The following MAMDC4 variants were observed in gnomAD, a reference collection of about 807,000 sequenced individuals.
MAMDC4 encodes apical endosomal glycoprotein.
Under a neutral mutation model 153.3 loss-of-function variants are expected in MAMDC4, and 168 were observed. The ratio of observed to expected loss-of-function variants is 1.10; its 90% CI spans 0.97 to 1.25. The LOEUF is 1.25. MAMDC4 is among the 50% of genes most tolerant of loss of function. The probability of loss-of-function intolerance (pLI) is 0.00; values close to 1 mark genes in which losing one functional copy is unlikely to be tolerated. For missense variants in MAMDC4, 1,701 were observed against 1,542.8 expected (o/e 1.10, Z -1.72); for synonymous variants, 744 against 651.5 (o/e 1.14, Z -2.16).
At chr9:136,860,414 G>A (rs1411415124) in intron 26 of MAMDC4, 148 bp from the exon 27 acceptor site, 9 of 836,498 alleles carry the variant, frequency 1.1e-5, no homozygotes, top group South Asian at 1.7e-5. Flanking sequence ...CCAACTACTC[G>A]GGAGGCTGAG....
chr9:136,853,376 C>T lies in MAMDC4; in HGVS notation c.246C>T (p.Gly82=), dbSNP rs1260407617. The change falls in exon 3 of 27, where the codon GGC becomes GGT. Residue 82 remains glycine, a synonymous_variant. Coordinates refer to ENST00000317446, the MANE Select transcript of MAMDC4 (RefSeq NM_206920.3). ...GCTGGCGGGACATTAGTACCTCAGG[C>T]TACAGCTGGCTCCGAGACAGGGCAG... is the stretch of plus-strand genomic sequence containing the variant. ...PCGWRDISTS[G]YSWLRDRAGA... is the part of the protein sequence containing the mutation. The T allele has an allele frequency of 1.9e-6, 3 of 1,606,756 alleles. No homozygotes were observed. The highest frequency in any genetic ancestry group is 1.3e-5 in the African/African-American group (1 of 74,950).
Position 136,856,140 on chromosome 9 carries a change from C to T in MAMDC4, c.1711C>T (p.Gln571Ter). The change falls in exon 14 of 27, where the codon CAG (glutamine) becomes TAG (stop). Residue 571 changes from glutamine (Q) to a stop codon, truncating the protein, a stop_gained. Transcript: ENST00000317446. LOFTEE classifies it high-confidence loss of function. ...CCACCTGGCTTATTATTTACAGAGCCAGCCCCGAGGTACCGCCACACTCCG... is the reference window on the plus strand; with the variant it reads ...CCACCTGGCTTATTATTTACAGAGCTAGCCCCGAGGTACCGCCACACTCCG... ...ELHLAYYLQS[Q>*]PREVSCNFER... The T allele has an allele frequency of 6.2e-7, 1 of 1,612,252 alleles. No homozygotes were observed. The highest frequency in any genetic ancestry group is 8.5e-7 in the Non-Finnish European group (1 of 1,179,722).
intron 14 of MAMDC4, 193 bp downstream of exon 14, chr9:136,856,342 G>A (rs1384602398): frequency 2.0e-6 from 2 of 1,011,376 alleles, no homozygotes; most frequent in Non-Finnish European, 3.2e-6. Flanking sequence ...TCTGGAAGGT[G>A]GACAAGGTCC....
rs1848973144 is a variant in MAMDC4 at position 136,854,419 on chromosome 9, G to A, written c.796+83G>A. On this transcript the variant is annotated intron_variant, in intron 7 of 26. Coordinates refer to ENST00000317446, the MANE Select transcript of MAMDC4 (RefSeq NM_206920.3). ...CCCTGGCACTCATCCAGGAGGGGGT[G>A]CCTTGGATCCTTGGATGGTCCTTCT... 1.3e-5 allele frequency: 19 copies of A among 1,496,956 alleles called. No individual in the cohort carries two copies. The South Asian group carries it at 2.2e-4, about 18-fold the overall frequency. The allele number at this position is 1,496,956 out of a possible 1,614,324, so 92.7% of individuals were successfully genotyped here. A position where few individuals can be genotyped will look rare whatever the true frequency, so the allele number is the denominator to read the frequency against.
Position 136,859,046 on chromosome 9 carries a change from C to T in MAMDC4, c.2998C>T (p.Gln1000Ter), listed in dbSNP as rs900005253. The T allele has an allele frequency of 1.3e-6, 2 of 1,554,972 alleles. No homozygotes were observed. The highest frequency in any genetic ancestry group is 1.7e-6 in the Non-Finnish European group (2 of 1,149,014). The change falls in exon 24 of 27, where the codon CAG (glutamine) becomes TAG (stop). Residue 1000 changes from glutamine to a stop codon, truncating the protein, a stop_gained. Coordinates refer to ENST00000317446, the MANE Select transcript of MAMDC4 (RefSeq NM_206920.3). LOFTEE classifies it high-confidence loss of function. ...GGTACTGCTGCACAGTGCTCAGGGC[C>T]AGCTGGCTGTGTGGGGCGCAGGCGG... ...LKVLLHSAQGQLAVWGAGGHR... is the reference protein window; with the variant it reads ...LKVLLHSAQG
rs145164384 is a variant in MAMDC4, at chr9:136,853,611, C to G, written c.395C>G (p.Thr132Ser). ...EASTAALRSP[T>S]LREAASSCKL... ...TCCACCGCAGCCCTGCGCTCGCCAA[C>G]CCTGCGAGAGGCAGCCTCCTCTTGC... Residue 132 changes from threonine to serine, a missense_variant, in exon 4 of 27, where the codon ACC becomes AGC. Physicochemically the swap from Thr to Ser is moderately conservative, Grantham distance 58. Coordinates refer to ENST00000317446, the MANE Select transcript of MAMDC4 (RefSeq NM_206920.3). The G allele has an allele frequency of 1.2e-6, 2 of 1,612,588 alleles. 1 individual carries two copies. The highest frequency in any genetic ancestry group is 2.7e-5 in the African/African-American group (2 of 75,056).
In MAMDC4 at chr9:136,858,041, G is replaced by A. The variant is rs542894269; in HGVS notation, c.2527G>A (p.Gly843Ser). 3.8e-4 allele frequency: 584 copies of A among 1,528,632 alleles called. 3 individuals carry two copies. In the South Asian group the frequency reaches 5.2e-3, roughly 14 times the overall value. 94.7% of individuals were successfully genotyped at this position (1,528,632 alleles called of 1,614,324 possible). A position where few individuals can be genotyped will look rare whatever the true frequency, so the allele number is the denominator to read the frequency against. ...CCAGGTGCTCAGCCTCAGTGCCCAC[G>A]GCGGGCTTGCCTGGCGCCTGGGCAG... ...RHQVLSLSAH[G>S]GLAWRLGSMD... Residue 843 changes from glycine (G) to serine (S), a missense_variant, in exon 20 of 27, where the codon GGC (glycine) becomes AGC (serine). Transcript: ENST00000317446.
Position 136,856,751 on chromosome 9 carries a change from C to G in MAMDC4, c.1762C>G (p.Pro588Ala). ...NFERDTCSWY[P>A]GHLSDTHWRW... is the part of the protein sequence containing the mutation. ...TGAGCGGGACACATGCAGCTGGTAC[C>G]CAGGCCACCTCTCAGACACACACTG... is the stretch of plus-strand genomic sequence containing the variant. The change falls in exon 15 of 27, where the codon CCA (proline) becomes GCA (alanine). Residue 588 changes from proline to alanine, a missense_variant. By Grantham distance (27) the Pro-to-Ala change is conservative. Transcript: ENST00000317446. The G allele has an allele frequency of 6.2e-7, 1 of 1,612,526 alleles. No homozygotes were observed.
At chr9:136,859,796 A>G in intron 25 of MAMDC4, 90 bp from the exon 26 acceptor site, 1 of 1,385,576 alleles carries the variant, frequency 7.2e-7, no homozygotes, top group Non-Finnish European at 1.0e-6. Context: ...GAGCCAGCAG[A>G]GGCTGAGGGA....
At chr9:136,859,484 C>A in intron 25 of MAMDC4, 167 bp downstream of exon 25, 1 of 681,670 alleles carries the variant, frequency 1.5e-6, no homozygotes. Flanking sequence ...TCACTCTGCC[C>A]TGCTCACCCC....
rs1848975915 is a variant in MAMDC4 at position 136,854,624 on chromosome 9, T to TCCTGAGCGCC, written c.886_895dup (p.Ser299Ter). 2 of 1,608,020 alleles carry TCCTGAGCGCC rather than the reference T, an allele frequency of 1.2e-6. No homozygotes were observed. The highest frequency in any genetic ancestry group is 1.7e-6 in the Non-Finnish European group (2 of 1,178,118). On this transcript the variant is annotated frameshift_variant, in exon 8 of 27. Transcript: ENST00000317446. LOFTEE classifies it high-confidence loss of function. ...GGTCCCGGAACCACCGCGCTGGTGG[T>TCCTGAGCGCC]CCTGAGCGCCCCTCCTGGCCACGCC... is the stretch of plus-strand genomic sequence containing the variant.
chr9:136,858,918 G>A, intron 23 of MAMDC4, 65 bp downstream of exon 23: 2 of 1,552,658 alleles, frequency 1.3e-6, no homozygotes, highest in East Asian at 2.3e-5. Flanking sequence ...GAGCAGAGGT[G>A]GGGAGGTGGC....
At chr9:136,858,354 G>A (rs779691613) in intron 21 of MAMDC4, 46 bp from the exon 22 acceptor site, 21 of 1,600,134 alleles carry the variant, frequency 1.3e-5, no homozygotes. Context: ...TGGTGCCCAG[G>A]GCTTGGGCCG....
At position 136,854,958 on chromosome 9, in the gene MAMDC4, A is replaced by G. The variant is rs1354749006; in HGVS notation, c.1045A>G (p.Ser349Gly). 6.2e-7 allele frequency: 1 copy of G among 1,610,002 alleles called. No individual in the cohort carries two copies. Among genetic ancestry groups the G allele is most frequent in the Admixed American group, 1.7e-5 (1 of 59,756 alleles). ...ACAGCTGGTCTTCTATCAGTACCTG[A>G]GTGGGTCTGAGGCTGGCTGCCTCCA... is the stretch of plus-strand genomic sequence containing the variant. ...NCSLVFYQYL[S>G]GSEAGCLQLF... is the part of the protein sequence containing the mutation. Residue 349 changes from serine to glycine, a missense_variant, in exon 10 of 27, where the codon AGT becomes GGT. Physicochemically the swap from Ser to Gly is moderately conservative, Grantham distance 56. Coordinates refer to ENST00000317446, the MANE Select transcript of MAMDC4 (RefSeq NM_206920.3).
chr9:136,857,170 CTG>C lies in MAMDC4; in HGVS notation c.1979_1980del (p.Leu660ProfsTer72). ...YHLHGPQIGTLRLAMRREGEE... is the reference protein window; with the variant it reads ...YHLHGPQIGTXRLAMRREGEE... ...GACTGGTCCCCTCCCTGCAGGGACT[CTG>C]CGCCTAGCCATGAGACGGGAAGGGG... On this transcript the variant is annotated frameshift_variant, in exon 17 of 27. Transcript: ENST00000317446. LOFTEE classifies it high-confidence loss of function. 1 of 1,612,434 alleles carries C rather than the reference CTG, an allele frequency of 6.2e-7. No individual in the cohort carries two copies. Among genetic ancestry groups the C allele is most frequent in the Non-Finnish European group, 8.5e-7 (1 of 1,179,842 alleles).
At position 136,853,776 on chromosome 9, in the gene MAMDC4, G is replaced by A; in HGVS notation, c.455-1G>A. ...CTGCCCTGGGACCCCTGACATTGCA[G>A]ATGTGGCTGAACTGCGGGTGGAGCT... is the stretch of plus-strand genomic sequence containing the variant. On this transcript the variant is annotated splice_acceptor_variant, in intron 4 of 26. Coordinates refer to ENST00000317446, the MANE Select transcript of MAMDC4 (RefSeq NM_206920.3). LOFTEE classifies it high-confidence loss of function. The A allele has an allele frequency of 2.5e-6, 4 of 1,609,068 alleles. No individual in the cohort carries two copies. Among genetic ancestry groups the A allele is most frequent in the Non-Finnish European group, 3.4e-6 (4 of 1,177,884 alleles).
Position 136,860,649 on chromosome 9 carries a change from T to TG in MAMDC4, c.*48dup, listed in dbSNP as rs1265012754. 6.2e-7 allele frequency: 1 copy of TG among 1,609,414 alleles called. No individual in the cohort carries two copies. The highest frequency in any genetic ancestry group is 1.7e-5 in the Admixed American group (1 of 59,944). On this transcript the variant is annotated 3_prime_UTR_variant, in exon 27 of 27. Coordinates refer to ENST00000317446, the MANE Select transcript of MAMDC4 (RefSeq NM_206920.3). ...GCTTCCTCACGTGACATCCAGCACT[T>TG]GGTCAGACCCTAGCCAGGGACCGGA...
chr9:136,853,743 G>A (rs111802441), intron 4 of MAMDC4, 34 bp from the exon 5 acceptor site: 2 of 1,606,474 alleles, frequency 1.2e-6, no homozygotes, highest in South Asian at 2.2e-5. Context: ...GGACAAGCAG[G>A]GCCGCAGCTG....
Position 136,858,872 on chromosome 9 carries a change from A to G in MAMDC4, c.2956+19A>G, listed in dbSNP as rs573456601. 2.5e-6 allele frequency: 4 copies of G among 1,598,456 alleles called. No homozygotes were observed. In the Admixed American group the frequency reaches 5.3e-5, roughly 21 times the overall value. On this transcript the variant is annotated intron_variant, in intron 23 of 26. Transcript: ENST00000317446. ...CACTTCTGTGAGTCCGGCTGGGCCA[A>G]TGGGTGCCTGGGCAACGGGGGCAGC...
Sources: allele counts gnomAD v4.1 joint callset, GRCh38; gene constraint gnomAD v4.1.1; transcripts MANE v1.5; gene names NCBI Gene and HGNC (gene_info 2026-07-23, HGNC 2026-07-21).